The following CCDC60 variants were observed in gnomAD, a reference collection of about 807,000 sequenced individuals.
The protein encoded by CCDC60 is coiled-coil domain containing 60.
CCDC60 carries 54 observed loss-of-function variants against 63.5 expected under a neutral mutation model. That is an observed-to-expected ratio of 0.85 (90% confidence interval 0.68 to 1.07). The LOEUF (loss-of-function observed/expected upper bound fraction) is 1.07, where lower values mean the gene tolerates loss of function less well. Ranked by LOEUF, CCDC60 falls within the 50% of genes least tolerant of loss-of-function variation. CCDC60 has a pLI of 0.00. For missense variants in CCDC60, 651 were observed against 684.3 expected (o/e 0.95, Z 0.54); for synonymous variants, 206 against 238.8 (o/e 0.86, Z 1.27).
intron 5 of CCDC60, among the ~76,000 whole-genome samples, chr12:119,499,654 C>T (rs1008888144): frequency 1.3e-5 from 2 of 152,158 alleles, no homozygotes; most frequent in African/African-American, 2.4e-5. Context: ...TCAATCCCAC[C>T]CAGTAATATT....
chr12:119,499,000 C>T (rs1276843540), intron 5 of CCDC60, among the ~76,000 whole-genome samples: 1 of 152,190 alleles, frequency 6.6e-6, no homozygotes, highest in Non-Finnish European at 1.5e-5. Flanking sequence ...GGACTTGAAG[C>T]TACTTCTGGT....
At chr12:119,504,996 T>G in intron 6 of CCDC60, 73 bp from the exon 7 acceptor site, 2 of 1,155,040 alleles carry the variant, frequency 1.7e-6, no homozygotes, top group Non-Finnish European at 2.5e-6. Context: ...CCTTCCTCCT[T>G]CCCTCCTTTC....
intron 7 of CCDC60, among the ~76,000 whole-genome samples, chr12:119,506,688 G>A (rs1465904754): frequency 1.3e-5 from 2 of 152,018 alleles, no homozygotes; most frequent in Non-Finnish European, 2.9e-5. Context: ...TGAAAGCTAT[G>A]AGCCCTCACA....
In CCDC60 at chr12:119,532,155, G is replaced by A. The variant is rs1952861454; in HGVS notation, c.1551+1092G>A. 2.0e-5 allele frequency among the ~76,000 whole-genome samples: 3 copies of A among 152,042 alleles called. No homozygotes were observed. In the South Asian group the frequency reaches 6.2e-4, roughly 32 times the overall value. ...CAAGACTCTACTCCCCATGACCCGTGAGGCTCCTTCAGGAAAGATTCTAGC... is the reference window on the plus strand; with the variant it reads ...CAAGACTCTACTCCCCATGACCCGTAAGGCTCCTTCAGGAAAGATTCTAGC... On this transcript the variant is annotated intron_variant, in intron 13 of 13. Transcript: ENST00000327554.
intron 2 of CCDC60, among the ~76,000 whole-genome samples, chr12:119,446,609 A>C (rs1317613666): frequency 6.6e-6 from 1 of 152,086 alleles, no homozygotes; most frequent in Non-Finnish European, 1.5e-5. Context: ...AGGGAGAGGG[A>C]GAGGGAGGAC....
chr12:119,400,884 C>A lies in CCDC60; in HGVS notation c.91-27799C>A, dbSNP rs367941793. Among the ~76,000 whole-genome samples, 6 of 152,162 alleles carry A rather than the reference C, an allele frequency of 3.9e-5. No homozygotes were observed. The East Asian group carries it at 7.7e-4, about 20-fold the overall frequency. On this transcript the variant is annotated intron_variant, in intron 1 of 13. Transcript: ENST00000327554. ...ATGGGTGCAGGAAAGAAGCCTTGACCCTGGTTGCTGTCAGAAGCCACTTTA... is the reference window on the plus strand; with the variant it reads ...ATGGGTGCAGGAAAGAAGCCTTGACACTGGTTGCTGTCAGAAGCCACTTTA...
intron 1 of CCDC60, among the ~76,000 whole-genome samples, chr12:119,352,122 G>A: frequency 6.6e-6 from 1 of 152,314 alleles, no homozygotes; most frequent in Admixed American, 6.5e-5. Flanking sequence ...ATGGCCAGTA[G>A]GAGAGAGAGA....
intron 13 of CCDC60, 90 bp from the exon 14 acceptor site, chr12:119,540,524 C>A: frequency 1.1e-6 from 1 of 921,734 alleles, no homozygotes. Flanking sequence ...GTCTCAGTCA[C>A]AAATCTTCCA....
intron 4 of CCDC60, among the ~76,000 whole-genome samples, chr12:119,480,760 A>G (rs546225874): frequency 6.7e-6 from 1 of 149,814 alleles, no homozygotes; most frequent in Non-Finnish European, 1.5e-5. Flanking sequence ...CCTCACCATC[A>G]TCATCATCAC....
At chr12:119,414,429 A>T (rs376510073) in intron 1 of CCDC60, among the ~76,000 whole-genome samples, 132 of 152,352 alleles carry the variant, frequency 8.7e-4, no homozygotes, top group Middle Eastern at 3.4e-3. Context: ...AGGATTTAAG[A>T]AAGAAAATAG....
At chr12:119,484,628 G>A (rs752094141) in intron 4 of CCDC60, among the ~76,000 whole-genome samples, 3 of 152,052 alleles carry the variant, frequency 2.0e-5, no homozygotes, top group Non-Finnish European at 2.9e-5. Flanking sequence ...TAGGAGGATC[G>A]CTTGTGCCCA....
chr12:119,417,432 C>T lies in CCDC60; in HGVS notation c.91-11251C>T, dbSNP rs145807110. Among the ~76,000 whole-genome samples, 1,175 of 152,216 alleles carry T rather than the reference C, an allele frequency of 7.7e-3. 9 individuals are homozygous for T. The highest frequency in any genetic ancestry group is 0.013 in the Non-Finnish European group (874 of 68,020). On this transcript the variant is annotated intron_variant, in intron 1 of 13. Coordinates refer to ENST00000327554, the MANE Select transcript of CCDC60 (RefSeq NM_178499.5). ...GAATACATCAGCAAGATTTTTCTTT[C>T]TACCCCCCTTTTTCCTTTTTCTCTT...
intron 1 of CCDC60, among the ~76,000 whole-genome samples, chr12:119,348,498 G>A (rs967521979): frequency 2.0e-5 from 3 of 152,118 alleles, no homozygotes; most frequent in Non-Finnish European, 2.9e-5. Context: ...TCTGGGTCAC[G>A]GGCTCATTCT....
At chr12:119,337,732 G>A (rs1017587750) in intron 1 of CCDC60, among the ~76,000 whole-genome samples, 1 of 152,080 alleles carries the variant, frequency 6.6e-6, no homozygotes, top group African/African-American at 2.4e-5. Flanking sequence ...AATGCAGGTT[G>A]ATTAATGATG....
chr12:119,373,318 T>C (rs1414662998), intron 1 of CCDC60, among the ~76,000 whole-genome samples: 3 of 152,146 alleles, frequency 2.0e-5, no homozygotes, highest in East Asian at 1.9e-4. Flanking sequence ...AGAACACTGA[T>C]TGACCTAAAG....
intron 1 of CCDC60, among the ~76,000 whole-genome samples, chr12:119,346,044 C>T (rs1955589633): frequency 2.0e-5 from 3 of 147,978 alleles, no homozygotes; most frequent in South Asian, 4.3e-4. Flanking sequence ...GGGCTGATCC[C>T]GAACTCCTGG....
intron 4 of CCDC60, among the ~76,000 whole-genome samples, chr12:119,486,684 A>C (rs1374402214): frequency 1.3e-5 from 2 of 152,170 alleles, no homozygotes; most frequent in African/African-American, 4.8e-5. Context: ...TGGTGGATAC[A>C]GCCACCCTAG....
Position 119,460,192 on chromosome 12 carries a change from C to T in CCDC60, c.171-11802C>T, listed in dbSNP as rs368326664. ...GCTGCAGAAAAGACTCTTAATCTCA[C>T]AGAGAATATCAGAAAATTGCTCAGA... On this transcript the variant is annotated intron_variant, in intron 2 of 13. Transcript: ENST00000327554. Among the ~76,000 whole-genome samples the T allele has an allele frequency of 1.1e-4, 17 of 152,300 alleles. No individual in the cohort carries two copies. In the Middle Eastern group the frequency reaches 0.017, roughly 152 times the overall value.
chr12:119,363,488 T>TA (rs1955812014), intron 1 of CCDC60, among the ~76,000 whole-genome samples: 1 of 152,164 alleles, frequency 6.6e-6, no homozygotes, highest in Non-Finnish European at 1.5e-5. Context: ...GTGCCTTCCA[T>TA]AAGCAGAAAT....
Sources: allele counts gnomAD v4.1 joint callset (sites outside exome capture counted in the v4.1 genomes callset), GRCh38; gene constraint gnomAD v4.1.1; transcripts MANE v1.5; gene names NCBI Gene and HGNC (gene_info 2026-07-23, HGNC 2026-07-21).